Variants in GPATCH8 observed in about 807,000 individuals in gnomAD.
The protein encoded by GPATCH8 is G patch domain-containing protein 8.
GPATCH8 carries 18 observed loss-of-function variants against 118.3 expected under a neutral mutation model. That is an observed-to-expected ratio of 0.15 (90% CI 0.11 to 0.23). GPATCH8 has a LOEUF of 0.23. Among genes scored for constraint, GPATCH8 ranks in the 10% least tolerant of loss-of-function variants. The probability of loss-of-function intolerance (pLI) is 1.00; values close to 1 mark genes in which losing one functional copy is unlikely to be tolerated. For synonymous variants in GPATCH8, 659 were observed against 684.7 expected, an observed-to-expected ratio of 0.96 and a Z score of 0.59; for missense variants, 1,631 against 1,873.8, an observed-to-expected ratio of 0.87 and a Z score of 2.39.
At chr17:44,459,074 T>C (rs2051448909) in intron 3 of GPATCH8, among the ~76,000 whole-genome samples, 1 of 152,208 alleles carries the variant, frequency 6.6e-6, no homozygotes, top group Non-Finnish European at 1.5e-5. Flanking sequence ...ACTGATGCTC[T>C]TTCTAGATGT....
chr17:44,437,094 A>T (rs560511483), intron 3 of GPATCH8, among the ~76,000 whole-genome samples: 19 of 152,314 alleles, frequency 1.2e-4, no homozygotes, highest in African/African-American at 4.1e-4. Flanking sequence ...ATAGACTAGG[A>T]GATGCTTTAC....
rs909449254 is a variant in GPATCH8 at position 44,427,052 on chromosome 17, T to G, written c.349-2560A>C. Among the ~76,000 whole-genome samples the G allele has an allele frequency of 3.9e-5, 6 of 152,266 alleles. No homozygotes were observed. The East Asian group carries it at 9.6e-4, about 24-fold the overall frequency. ...ATACACACATATACATAAGTTGATA[T>G]ATATGTAATTGCCTAAATTAATATT... On this transcript the variant is annotated intron_variant, in intron 5 of 7. Coordinates refer to ENST00000591680, the MANE Select transcript of GPATCH8 (RefSeq NM_001002909.4).
At chr17:44,490,895 T>C (rs939310964) in intron 1 of GPATCH8, among the ~76,000 whole-genome samples, 8 of 152,284 alleles carry the variant, frequency 5.3e-5, no homozygotes, top group African/African-American at 1.9e-4. Flanking sequence ...ACAAATTTGG[T>C]TGTGGTGATC....
chr17:44,438,210 G>T (rs2050578684), intron 3 of GPATCH8, among the ~76,000 whole-genome samples: 1 of 152,104 alleles, frequency 6.6e-6, no homozygotes, highest in African/African-American at 2.4e-5. Context: ...GAATTAAAAA[G>T]AAATGTCAAA....
chr17:44,464,051 G>T (rs919979066), intron 3 of GPATCH8, among the ~76,000 whole-genome samples: 2 of 151,800 alleles, frequency 1.3e-5, no homozygotes, highest in African/African-American at 4.8e-5. Flanking sequence ...CCAGCTTCAG[G>T]GAGAATTTAA....
chr17:44,442,941 T>C (rs1045870258), intron 3 of GPATCH8, among the ~76,000 whole-genome samples: 2 of 152,128 alleles, frequency 1.3e-5, no homozygotes, highest in African/African-American at 4.8e-5. Context: ...AAAAATTAGC[T>C]GGGCATGGTG....
chr17:44,437,773 T>C (rs2050560585), intron 3 of GPATCH8, among the ~76,000 whole-genome samples: 1 of 152,014 alleles, frequency 6.6e-6, no homozygotes, highest in South Asian at 2.1e-4. Context: ...GGCTCTATAT[T>C]TGTGGAATTA....
At chr17:44,468,695 C>A (rs1193132642) in intron 2 of GPATCH8, among the ~76,000 whole-genome samples, 1 of 151,780 alleles carries the variant, frequency 6.6e-6, no homozygotes, top group Non-Finnish European at 1.5e-5. Flanking sequence ...ATTATAATCT[C>A]ATAGAACCAA....
chr17:44,501,201 C>T (rs1226281485), intron 1 of GPATCH8, among the ~76,000 whole-genome samples: 2 of 152,048 alleles, frequency 1.3e-5, no homozygotes, highest in Non-Finnish European at 2.9e-5. Context: ...AGGCGGATCA[C>T]GAGTCAGGAG....
Position 44,396,235 on chromosome 17 carries a change from C to A in GPATCH8, c.*1333G>T, listed in dbSNP as rs557567368. 1.4e-4 allele frequency: 62 copies of A among 454,446 alleles called. 1 individual carries two copies. Among genetic ancestry groups the A allele is most frequent in the Admixed American group, 1.1e-3 (46 of 42,550 alleles). 28.2% of individuals were successfully genotyped at this position (454,446 alleles called of 1,614,324 possible). A position where few individuals can be genotyped will look rare whatever the true frequency, so the allele number is the denominator to read the frequency against. Reference sequence around the variant, plus strand: ...AAGGTACCCAGGGAAACCCAGGAATCCCCCCAGACAATCACCAAATCTCAC... The same window carrying A: ...AAGGTACCCAGGGAAACCCAGGAATACCCCCAGACAATCACCAAATCTCAC... On this transcript the variant is annotated 3_prime_UTR_variant, in exon 8 of 8. Transcript: ENST00000591680.
intron 6 of GPATCH8, among the ~76,000 whole-genome samples, chr17:44,421,328 T>C (rs1265846380): frequency 6.6e-6 from 1 of 150,924 alleles, no homozygotes; most frequent in Non-Finnish European, 1.5e-5. Flanking sequence ...GCAACAAGAG[T>C]GAAACTCCAT....
intron 3 of GPATCH8, among the ~76,000 whole-genome samples, chr17:44,461,412 G>A (rs928687081): frequency 6.6e-6 from 1 of 151,084 alleles, no homozygotes. Flanking sequence ...CTCAACTCCT[G>A]GCCTCAAGTA....
intron 3 of GPATCH8, among the ~76,000 whole-genome samples, chr17:44,453,276 C>T (rs1233513433): frequency 1.3e-5 from 2 of 152,160 alleles, no homozygotes; most frequent in Admixed American, 1.3e-4. Context: ...GGACTGAGAT[C>T]TGAATCCTGA....
chr17:44,456,869 A>T (rs1568016251), intron 3 of GPATCH8, among the ~76,000 whole-genome samples: 1 of 147,820 alleles, frequency 6.8e-6, no homozygotes, highest in African/African-American at 2.5e-5. Context: ...GTACAGAACA[A>T]TTTTTTTTTT....
At chr17:44,424,310 A>T (rs2050016925) in intron 6 of GPATCH8, 39 bp downstream of exon 6, 1 of 1,410,708 alleles carries the variant, frequency 7.1e-7, no homozygotes, top group African/African-American at 1.4e-5. Flanking sequence ...GTAACAATAG[A>T]TAGGTACCTT....
chr17:44,446,000 A>C (rs563068394), intron 3 of GPATCH8: 2 of 152,224 alleles, frequency 1.3e-5, no homozygotes, highest in South Asian at 4.1e-4. Flanking sequence ...AATGCAGTGA[A>C]GTCATCATAG....
chr17:44,424,143 G>A (rs1165104189), intron 6 of GPATCH8, among the ~76,000 whole-genome samples: 1 of 152,198 alleles, frequency 6.6e-6, no homozygotes, highest in Non-Finnish European at 1.5e-5. Flanking sequence ...TTGTCAAATA[G>A]TGTATATGTG....
At chr17:44,420,713 T>C (rs1344266539) in intron 6 of GPATCH8, among the ~76,000 whole-genome samples, 1 of 152,246 alleles carries the variant, frequency 6.6e-6, no homozygotes, top group African/African-American at 2.4e-5. Context: ...ACATTCAGGT[T>C]GAGGACAGTG....
chr17:44,446,671 G>C (rs1598511626), intron 3 of GPATCH8, among the ~76,000 whole-genome samples: 1 of 152,154 alleles, frequency 6.6e-6, no homozygotes, highest in South Asian at 2.1e-4. Flanking sequence ...TATGTAGACA[G>C]CAGCCAGTCT....
Sources: gnomAD v4.1 joint callset for allele counts (sites outside exome capture counted in the v4.1 genomes callset) on GRCh38, gnomAD v4.1.1 for gene constraint, MANE v1.5 for transcripts, NCBI Gene and HGNC (gene_info 2026-07-23, HGNC 2026-07-21) for gene names.